PCDHAC1: variants seen among roughly 807,000 people sequenced by gnomAD.
PCDHAC1 encodes the protein protocadherin alpha-C1.
PCDHAC1 carries 42 observed loss-of-function variants against 60.0 expected under a neutral mutation model. The ratio of observed to expected loss-of-function variants is 0.70; its 90% CI spans 0.55 to 0.90. The LOEUF (loss-of-function observed/expected upper bound fraction) is 0.90, where lower values mean the gene tolerates loss of function less well. PCDHAC1 is among the 40% of genes least tolerant of loss of function. The pLI, the probability that PCDHAC1 is intolerant of heterozygous loss-of-function variation, is 0.00. For synonymous variants in PCDHAC1, 468 were observed against 499.3 expected (o/e 0.94, Z 0.84); for missense variants, 1,160 against 1,222.3 (o/e 0.95, Z 0.76).
Position 140,927,764 on chromosome 5 carries a change from G to T in PCDHAC1, c.872G>T (p.Gly291Val), listed in dbSNP as rs2084612834. The change falls in exon 1 of 4, where the codon GGG becomes GTG. Residue 291 changes from glycine (G) to valine (V), a missense_variant. Gly to Val is a moderately radical substitution (Grantham distance 109, BLOSUM62 -3). Transcript: ENST00000253807. ...CGCTTTCACGTGCACCCTAAAAGTGGGGAGGTGCAAGTAGCTGCTTCACTA... is the reference window on the plus strand; with the variant it reads ...CGCTTTCACGTGCACCCTAAAAGTGTGGAGGTGCAAGTAGCTGCTTCACTA... ...RHRFHVHPKS[G>V]EVQVAASLGP... 1 of 1,614,092 alleles carries T rather than the reference G, an allele frequency of 6.2e-7. No individual in the cohort carries two copies.
At chr5:141,009,391 C>T (rs1006846075) in intron 3 of PCDHAC1, among the ~76,000 whole-genome samples, 1 of 152,086 alleles carries the variant, frequency 6.6e-6, no homozygotes, top group Non-Finnish European at 1.5e-5. Context: ...CACAGGAGGT[C>T]GAGGCTGCAG....
intron 3 of PCDHAC1, among the ~76,000 whole-genome samples, chr5:140,987,781 A>G (rs2097267961): frequency 6.6e-6 from 1 of 152,208 alleles, no homozygotes; most frequent in East Asian, 1.9e-4. Context: ...AGAATCTGCT[A>G]TAGAGAAGAT....
intron 1 of PCDHAC1, among the ~76,000 whole-genome samples, chr5:140,959,996 A>T (rs1042631849): frequency 3.3e-5 from 5 of 152,228 alleles, no homozygotes; most frequent in Admixed American, 6.5e-5. Context: ...GATATGAAAT[A>T]CAAATCTATT....
chr5:140,972,957 C>T (rs369707081), intron 1 of PCDHAC1, among the ~76,000 whole-genome samples: 1 of 152,054 alleles, frequency 6.6e-6, no homozygotes, highest in East Asian at 1.9e-4. Context: ...CCACCATGCC[C>T]GGCAAAGGAA....
chr5:140,986,074 T>C (rs1342378005), intron 3 of PCDHAC1, among the ~76,000 whole-genome samples: 1 of 152,124 alleles, frequency 6.6e-6, no homozygotes, highest in African/African-American at 2.4e-5. Context: ...AAAGAAACTG[T>C]TCATTTATTT....
intron 1 of PCDHAC1, among the ~76,000 whole-genome samples, chr5:140,944,008 C>T (rs1253527034): frequency 1.3e-5 from 2 of 152,054 alleles, no homozygotes; most frequent in Non-Finnish European, 2.9e-5. Context: ...GAGTACCCCC[C>T]AAAAGCAATT....
rs189155751 is a variant in PCDHAC1 at position 140,943,432 on chromosome 5, T to C, written c.2433+14107T>C. 2.8e-3 allele frequency among the ~76,000 whole-genome samples: 419 copies of C among 152,174 alleles called. 2 individuals carry two copies. The highest frequency in any genetic ancestry group is 0.014 in the Middle Eastern group (4 of 294). Reference sequence around the variant, plus strand: ...ACTAGAGGCAAGGGCTTTAATATGATATAAAGGATAGAATTGATAAGGCTA... The same window carrying C: ...ACTAGAGGCAAGGGCTTTAATATGACATAAAGGATAGAATTGATAAGGCTA... On this transcript the variant is annotated intron_variant, in intron 1 of 3. Coordinates refer to ENST00000253807, the MANE Select transcript of PCDHAC1 (RefSeq NM_018898.5).
intron 1 of PCDHAC1, among the ~76,000 whole-genome samples, chr5:140,935,731 T>C (rs923257790): frequency 2.6e-5 from 4 of 152,202 alleles, no homozygotes; most frequent in Non-Finnish European, 4.4e-5. Context: ...AGAAGTCTAG[T>C]ATCTATTATT....
At chr5:141,001,522 C>G (rs1554258201) in intron 3 of PCDHAC1, among the ~76,000 whole-genome samples, 1 of 152,214 alleles carries the variant, frequency 6.6e-6, no homozygotes, top group African/African-American at 2.4e-5. Context: ...TTCTCCCTCT[C>G]TCTCTGATCC....
At chr5:140,944,558 G>A (rs140707063) in intron 1 of PCDHAC1, among the ~76,000 whole-genome samples, 10 of 152,230 alleles carry the variant, frequency 6.6e-5, no homozygotes, top group African/African-American at 2.2e-4. Flanking sequence ...TAGTTTTCCT[G>A]GCAACTTACT....
At chr5:140,941,241 T>TTCTTTCTTTCTTTCTTTCTTTC in intron 1 of PCDHAC1, among the ~76,000 whole-genome samples, 2 of 140,458 alleles carry the variant, frequency 1.4e-5, no homozygotes, top group South Asian at 4.5e-4. Context: ...CTTTCTTTCT[T>TTCTTTCTTTCTTTCTTTCTTTC]TCTTTCTTTC....
chr5:140,965,539 T>C (rs1554227755), intron 1 of PCDHAC1, among the ~76,000 whole-genome samples: 1 of 152,034 alleles, frequency 6.6e-6, no homozygotes, highest in East Asian at 1.9e-4. Context: ...GGAATCCAAA[T>C]TCCAGCCTGG....
intron 1 of PCDHAC1, chr5:140,967,413 A>G: frequency 6.2e-7 from 1 of 1,613,218 alleles, no homozygotes; most frequent in Non-Finnish European, 8.5e-7. Context: ...AAGGGCCTAG[A>G]CCGGGAGCAG....
intron 1 of PCDHAC1, chr5:140,967,369 G>A (rs147557274): frequency 2.4e-5 from 38 of 1,607,564 alleles, no homozygotes; most frequent in Non-Finnish European, 2.9e-5. Context: ...AGCCCCTGCA[G>A]GAGAACAGTA....
chr5:140,993,281 C>T (rs2097548459), intron 3 of PCDHAC1, among the ~76,000 whole-genome samples: 1 of 152,102 alleles, frequency 6.6e-6, no homozygotes. Flanking sequence ...TCTTTTCTTG[C>T]CCAGGGTCAC....
intron 1 of PCDHAC1, chr5:140,966,644 GCGTGAGCGGT>G (rs1554228519): frequency 3.3e-5 from 37 of 1,127,012 alleles, no homozygotes; most frequent in Non-Finnish European, 4.3e-5. Flanking sequence ...GCTTTCTAGA[GCGTGAGCGGT>G]GGGGGAGCAG....
intron 1 of PCDHAC1, among the ~76,000 whole-genome samples, chr5:140,940,510 G>A (rs1477590604): frequency 4.0e-5 from 6 of 151,894 alleles, no homozygotes; most frequent in African/African-American, 9.7e-5. Context: ...TCGCTCAGGC[G>A]TGATCATAGC....
chr5:140,943,603 G>A (rs1554215788), intron 1 of PCDHAC1, among the ~76,000 whole-genome samples: 1 of 152,100 alleles, frequency 6.6e-6, no homozygotes, highest in African/African-American at 2.4e-5. Context: ...TCTAAATATA[G>A]ACTTTGATTC....
In PCDHAC1 at chr5:140,927,529, C is replaced by G; in HGVS notation, c.637C>G (p.Arg213Gly). 1.2e-6 allele frequency: 2 copies of G among 1,614,098 alleles called. No individual in the cohort carries two copies. Among genetic ancestry groups the G allele is most frequent in the South Asian group, 1.1e-5 (1 of 91,086 alleles). ...LTARDGGLPA[R>G]SGDAQVTIIV... The stretch of plus-strand genomic sequence containing the variant: ...AGCTCGGGACGGCGGGCTACCTGCC[C>G]GCTCAGGAGACGCACAAGTCACCAT... Residue 213 changes from arginine (R) to glycine (G), a missense_variant, in exon 1 of 4, where the codon CGC (arginine) becomes GGC (glycine). Physicochemically the swap from Arg to Gly is moderately radical, Grantham distance 125. This residue lies in a region of PCDHAC1 where 1,113 missense variants were observed against 1,163.7 expected (regional missense o/e 0.96). Coordinates refer to ENST00000253807, the MANE Select transcript of PCDHAC1 (RefSeq NM_018898.5).
Sources: gnomAD v4.1 joint callset for allele counts (sites outside exome capture counted in the v4.1 genomes callset) on GRCh38, gnomAD v4.1.1 for gene constraint, gnomAD v4.1.1 regional missense constraint, MANE v1.5 for transcripts, NCBI Gene and HGNC (gene_info 2026-07-23, HGNC 2026-07-21) for gene names.